Variants in EYA3 observed in about 807,000 individuals in gnomAD.
EYA3 encodes protein phosphatase EYA3.
Under a neutral mutation model 80.0 loss-of-function variants are expected in EYA3, and 39 were observed. The ratio of observed to expected loss-of-function variants is 0.49; its 90% CI spans 0.38 to 0.64. The LOEUF is 0.64. Among genes scored for constraint, EYA3 ranks in the 30% least tolerant of loss-of-function variants. The pLI, the probability that EYA3 is intolerant of heterozygous loss-of-function variation, is 0.00. For missense variants in EYA3, 523 were observed against 676.1 expected (o/e 0.77, Z 2.51); for synonymous variants, 206 against 232.8 (o/e 0.88, Z 1.05).
rs183034912 is a variant in EYA3, at chr1:28,087,053, A to G, written c.-69+1471T>C. 1.7e-3 allele frequency among the ~76,000 whole-genome samples: 258 copies of G among 152,356 alleles called. 1 individual carries two copies. The highest frequency in any genetic ancestry group is 6.0e-3 in the African/African-American group (250 of 41,586). On this transcript the variant is annotated intron_variant, in intron 1 of 17. Coordinates refer to ENST00000373871, the MANE Select transcript of EYA3 (RefSeq NM_001990.4). ...AAGCAGGTGCTCAAAGCTGTATTTA[A>G]GTTCATACTGAAGTACTACATTTTA...
chr1:28,002,860 C>A (rs1268543747), intron 11 of EYA3, among the ~76,000 whole-genome samples: 1 of 151,676 alleles, frequency 6.6e-6, no homozygotes, highest in African/African-American at 2.4e-5. Flanking sequence ...GTGGCTCACA[C>A]CTGTAATCCC....
intron 1 of EYA3, among the ~76,000 whole-genome samples, chr1:28,073,787 A>G (rs529052605): frequency 2.9e-4 from 44 of 152,322 alleles, no homozygotes; most frequent in African/African-American, 1.0e-3. Context: ...TAAAACTTAC[A>G]GAACTGTATG....
At chr1:28,061,458 ATACT>A (rs1284457207) in intron 1 of EYA3, among the ~76,000 whole-genome samples, 3 of 152,244 alleles carry the variant, frequency 2.0e-5, no homozygotes, top group African/African-American at 7.2e-5. Flanking sequence ...ATCAAAAGTC[ATACT>A]TACTAGCAAG....
intron 1 of EYA3, among the ~76,000 whole-genome samples, chr1:28,080,421 C>A (rs751737013): frequency 6.6e-6 from 1 of 152,132 alleles, no homozygotes; most frequent in Non-Finnish European, 1.5e-5. Context: ...AGCGTCACTA[C>A]GCTTCAGCCC....
chr1:28,058,813 G>T (rs528705789), intron 1 of EYA3, among the ~76,000 whole-genome samples: 35 of 152,196 alleles, frequency 2.3e-4, no homozygotes, highest in African/African-American at 7.5e-4. Context: ...AAACAAAAAA[G>T]GAAAAATGGG....
In EYA3 at chr1:28,070,062, T is replaced by A. The variant is rs138175089; in HGVS notation, c.-68-11968A>T. ...ATTTCAGACTTCTGGCCTCCAGAAG[T>A]GAAAGAATAAATTTCTGTTGTTTTA... On this transcript the variant is annotated intron_variant, in intron 1 of 17. Coordinates refer to ENST00000373871, the MANE Select transcript of EYA3 (RefSeq NM_001990.4). Among the ~76,000 whole-genome samples the A allele has an allele frequency of 6.4e-3, 974 of 152,248 alleles. 9 individuals carry two copies. Among genetic ancestry groups the A allele is most frequent in the African/African-American group, 0.022 (900 of 41,546 alleles).
At chr1:28,000,287 G>A (rs1640734956) in intron 11 of EYA3, among the ~76,000 whole-genome samples, 1 of 152,130 alleles carries the variant, frequency 6.6e-6, no homozygotes. Flanking sequence ...GTTTCATAAA[G>A]ATAAATGAGG....
rs1475768984 is a variant in EYA3, at chr1:27,974,555, G to C, written c.1642-9C>G. 3 of 1,610,950 alleles carry C rather than the reference G, an allele frequency of 1.9e-6. No individual in the cohort carries two copies. Among genetic ancestry groups the C allele is most frequent in the East Asian group, 2.2e-5 (1 of 44,840 alleles). Reference sequence around the variant, plus strand: ...CAGAAAGGCATGTTGTGCTGGAAGAGAGTGGGAATAGCTGGTTAATCCAAC... The same window carrying C: ...CAGAAAGGCATGTTGTGCTGGAAGACAGTGGGAATAGCTGGTTAATCCAAC... On this transcript the variant is annotated splice_polypyrimidine_tract_variant and intron_variant, in intron 17 of 17. Coordinates refer to ENST00000373871, the MANE Select transcript of EYA3 (RefSeq NM_001990.4).
intron 1 of EYA3, among the ~76,000 whole-genome samples, chr1:28,064,952 C>T (rs1327044183): frequency 3.3e-5 from 5 of 152,130 alleles, no homozygotes; most frequent in African/African-American, 4.8e-5. Flanking sequence ...GTGAAAATAC[C>T]TTAAATAAAG....
At chr1:28,061,262 T>G (rs900169774) in intron 1 of EYA3, among the ~76,000 whole-genome samples, 2 of 152,230 alleles carry the variant, frequency 1.3e-5, no homozygotes, top group African/African-American at 4.8e-5. Context: ...AACATTCATC[T>G]AAATACTAGT....
chr1:28,083,952 A>T (rs1181780543), intron 1 of EYA3, among the ~76,000 whole-genome samples: 1 of 152,216 alleles, frequency 6.6e-6, no homozygotes, highest in Admixed American at 6.5e-5. Flanking sequence ...GAGTATTGCT[A>T]ATTATTTTCT....
chr1:28,056,946 C>T (rs1644458236), intron 2 of EYA3, among the ~76,000 whole-genome samples: 1 of 152,138 alleles, frequency 6.6e-6, no homozygotes, highest in Admixed American at 6.5e-5. Context: ...CCTAAACACA[C>T]TGCTCAAGAT....
chr1:28,004,437 A>G lies in EYA3; in HGVS notation c.910-18T>C. On this transcript the variant is annotated intron_variant, in intron 10 of 17. Transcript: ENST00000373871. The stretch of plus-strand genomic sequence containing the variant: ...AATACCCGCTGAGGAAAGAAAATAT[A>G]AAAAATGAGTATATTTTCCAATTAC... The G allele has an allele frequency of 6.3e-7, 1 of 1,577,448 alleles. No individual in the cohort carries two copies.
rs752271434 is a variant in EYA3 at position 28,004,402 on chromosome 1, G to A, written c.927C>T (p.Asp309=). 6.8e-6 allele frequency: 11 copies of A among 1,608,338 alleles called. No individual in the cohort carries two copies. In the South Asian group the frequency reaches 7.7e-5, roughly 11 times the overall value. The part of the protein sequence containing the change: ...DSELERVFLW[D]LDETIIIFHS... ...GGAAGATGATGATGGTTTCATCCAAGTCCCACAGAAATACCCGCTGAGGAA... is the reference window on the plus strand; with the variant it reads ...GGAAGATGATGATGGTTTCATCCAAATCCCACAGAAATACCCGCTGAGGAA... Residue 309 remains aspartate, a synonymous_variant, in exon 11 of 18, where the codon GAC becomes GAT. Coordinates refer to ENST00000373871, the MANE Select transcript of EYA3 (RefSeq NM_001990.4).
At chr1:28,044,602 C>G (rs984997245) in intron 3 of EYA3, among the ~76,000 whole-genome samples, 4 of 152,010 alleles carry the variant, frequency 2.6e-5, no homozygotes, top group Admixed American at 1.3e-4. Flanking sequence ...GCTGACTAAT[C>G]AAAGGTAAGA....
intron 2 of EYA3, among the ~76,000 whole-genome samples, chr1:28,051,330 T>C (rs1365884061): frequency 6.6e-6 from 1 of 152,016 alleles, no homozygotes; most frequent in Non-Finnish European, 1.5e-5. Flanking sequence ...TCTATATACT[T>C]GCAGTGAACA....
At chr1:28,020,536 T>A (rs956029083) in intron 7 of EYA3, among the ~76,000 whole-genome samples, 1 of 152,030 alleles carries the variant, frequency 6.6e-6, no homozygotes, top group Non-Finnish European at 1.5e-5. Context: ...ATTAAGTAAT[T>A]TTTTTAGGCT....
chr1:28,060,491 T>C (rs973941722), intron 1 of EYA3, among the ~76,000 whole-genome samples: 3 of 152,148 alleles, frequency 2.0e-5, no homozygotes, highest in African/African-American at 7.2e-5. Context: ...TTTAGAAATA[T>C]GGTAATATTA....
intron 6 of EYA3, among the ~76,000 whole-genome samples, chr1:28,034,615 T>C (rs890879158): frequency 2.0e-5 from 3 of 152,150 alleles, no homozygotes; most frequent in Non-Finnish European, 4.4e-5. Flanking sequence ...AGCCAAAGAA[T>C]TCTAACAAGC....
Sources: gnomAD v4.1 joint callset for allele counts (sites outside exome capture counted in the v4.1 genomes callset) on GRCh38, gnomAD v4.1.1 for gene constraint, MANE v1.5 for transcripts, NCBI Gene and HGNC (gene_info 2026-07-23, HGNC 2026-07-21) for gene names.